The following HDLBP variants were observed in gnomAD, a reference collection of about 807,000 sequenced individuals.
The protein encoded by HDLBP is vigilin.
In HDLBP, 30 loss-of-function variants were observed where a neutral mutation model predicts 137.3. The observed-to-expected ratio is 0.22, with a 90% CI of 0.16 to 0.30. The LOEUF (loss-of-function observed/expected upper bound fraction) is 0.30, where lower values mean the gene tolerates loss of function less well. HDLBP is among the 10% of genes least tolerant of loss of function. HDLBP has a pLI of 1.00. For synonymous variants in HDLBP, 606 were observed against 596.0 expected (o/e 1.02, Z -0.24); for missense variants, 1,119 against 1,667.3 (o/e 0.67, Z 5.73).
intron 1 of HDLBP, among the ~76,000 whole-genome samples, chr2:241,292,098 T>C (rs2075029888): frequency 6.6e-6 from 1 of 152,188 alleles, no homozygotes; most frequent in Admixed American, 6.5e-5. Flanking sequence ...TAATTCAACC[T>C]ACTGACACCG....
At chr2:241,267,832 A>G in intron 2 of HDLBP, 1 of 1,444,688 alleles carries the variant, frequency 6.9e-7, no homozygotes, top group Admixed American at 2.4e-5. Context: ...GTGGGACAGA[A>G]CTCGCACAGC....
At chr2:241,245,968 T>G (rs913824117) in intron 16 of HDLBP, among the ~76,000 whole-genome samples, 3 of 152,056 alleles carry the variant, frequency 2.0e-5, no homozygotes, top group Non-Finnish European at 4.4e-5. Context: ...TCTAAAAAAC[T>G]TCATGTTAAT....
intron 1 of HDLBP, among the ~76,000 whole-genome samples, chr2:241,286,310 C>G (rs2074806969): frequency 6.6e-6 from 1 of 152,178 alleles, no homozygotes; most frequent in African/African-American, 2.4e-5. Flanking sequence ...CCCCAAATCA[C>G]TAAGTTAAAA....
chr2:241,292,564 T>G (rs1165664233), intron 1 of HDLBP, among the ~76,000 whole-genome samples: 1 of 152,196 alleles, frequency 6.6e-6, no homozygotes, highest in Non-Finnish European at 1.5e-5. Context: ...GTTGGTGGTG[T>G]TAGCTATGAT....
intron 1 of HDLBP, among the ~76,000 whole-genome samples, chr2:241,280,923 C>T (rs899348473): frequency 6.6e-6 from 1 of 152,214 alleles, no homozygotes; most frequent in African/African-American, 2.4e-5. Context: ...TAAATTAATA[C>T]ATTTAGTGGA....
intron 1 of HDLBP, chr2:241,273,610 T>C (rs2074275732): frequency 2.0e-6 from 2 of 985,226 alleles, no homozygotes; most frequent in Admixed American, 1.2e-4. Flanking sequence ...GAGCAATCTG[T>C]AGAGATGTCA....
At chr2:241,300,184 G>A (rs1038860188) in intron 1 of HDLBP, among the ~76,000 whole-genome samples, 1 of 151,988 alleles carries the variant, frequency 6.6e-6, no homozygotes, top group Non-Finnish European at 1.5e-5. Context: ...AAACAACTTC[G>A]AGGTCCACAT....
chr2:241,307,311 C>T (rs2075615049), intron 1 of HDLBP, among the ~76,000 whole-genome samples: 2 of 152,198 alleles, frequency 1.3e-5, no homozygotes, highest in Admixed American at 6.5e-5. Context: ...CTGCTCACGC[C>T]ACTTGCTGAC....
At chr2:241,244,936 A>G (rs2071544823) in intron 16 of HDLBP, among the ~76,000 whole-genome samples, 1 of 152,134 alleles carries the variant, frequency 6.6e-6, no homozygotes. Flanking sequence ...TTTCTGTGTA[A>G]GATGATGGAA....
At position 241,233,989 on chromosome 2, in the gene HDLBP, G is replaced by A; in HGVS notation, c.3145-26C>T. ...CTACAAATGAAAGGAGCAAGAATGA[G>A]GCAAAGATTGAGCTGATCCACCCTG... On this transcript the variant is annotated intron_variant, in intron 23 of 27. Coordinates refer to ENST00000310931, the MANE Select transcript of HDLBP (RefSeq NM_005336.6). This position sits in a 1 kb window ranked among gnomAD's most constrained non-coding sequence, Gnocchi z 4.3. The A allele has an allele frequency of 6.2e-7, 1 of 1,613,794 alleles. No homozygotes were observed. Among genetic ancestry groups the A allele is most frequent in the Non-Finnish European group, 8.5e-7 (1 of 1,179,718 alleles).
At position 241,238,588 on chromosome 2, in the gene HDLBP, C is replaced by A. The variant is rs538464906; in HGVS notation, c.2749+61G>T. 2 of 1,324,608 alleles carry A rather than the reference C, an allele frequency of 1.5e-6. No individual in the cohort carries two copies. The highest frequency in any genetic ancestry group is 2.0e-6 in the Non-Finnish European group (2 of 985,368). The allele number at this position is 1,324,608 out of a possible 1,614,324, so 82.1% of individuals were successfully genotyped here. ...AGCCTCACCAGTATGTGCGACAGCC[C>A]CGCCTCTCACATGGGAGGCGCCACT... On this transcript the variant is annotated intron_variant, in intron 20 of 27. Transcript: ENST00000310931. The surrounding 1 kb of genome is among the most constrained non-coding windows in gnomAD (Gnocchi z 4.9).
Position 241,233,075 on chromosome 2 carries a change from G to T in HDLBP, c.3288+745C>A, listed in dbSNP as rs752038105. 6.6e-6 allele frequency among the ~76,000 whole-genome samples: 1 copy of T among 152,046 alleles called. No homozygotes were observed. The highest frequency in any genetic ancestry group is 1.5e-5 in the Non-Finnish European group (1 of 67,990). On this transcript the variant is annotated intron_variant, in intron 24 of 27. Coordinates refer to ENST00000310931, the MANE Select transcript of HDLBP (RefSeq NM_005336.6). The surrounding 1 kb of genome is among the most constrained non-coding windows in gnomAD (Gnocchi z 4.3). ...GCGTGGAGGGGCTCTGCTGCCAGGG[G>T]GTTTGCTGTTTCTGGAAACCAGCAC...
At chr2:241,260,324 T>C (rs1012385683) in intron 5 of HDLBP, among the ~76,000 whole-genome samples, 1 of 152,072 alleles carries the variant, frequency 6.6e-6, no homozygotes, top group African/African-American at 2.4e-5. Context: ...TTGATATTAA[T>C]AGGTCATGAC....
At chr2:241,254,880 T>A (rs542843251) in intron 9 of HDLBP, among the ~76,000 whole-genome samples, 171 bp downstream of exon 9, 3 of 152,242 alleles carry the variant, frequency 2.0e-5, no homozygotes, top group Non-Finnish European at 4.4e-5. Context: ...TTTATTCTGC[T>A]GTTCTTTAAG....
At position 241,306,986 on chromosome 2, in the gene HDLBP, AAC is replaced by A. The variant is rs201409821; in HGVS notation, c.-103+8582_-103+8583del. Among the ~76,000 whole-genome samples the A allele has an allele frequency of 6.9e-4, 83 of 119,928 alleles. 2 individuals carry two copies. Among genetic ancestry groups the A allele is most frequent in the South Asian group, 9.6e-4 (3 of 3,140 alleles). 78.7% of individuals were successfully genotyped at this position (119,928 alleles called of 152,430 possible). A position where few individuals can be genotyped will look rare whatever the true frequency, so the allele number is the denominator to read the frequency against. On this transcript the variant is annotated intron_variant, in intron 1 of 27. Transcript: ENST00000310931. ...TGAACCTATTCAAAAAAAAAAAAAA[AAC>A]GAGGAAAAGCCCAAAATTGAAGTGA...
chr2:241,250,073 A>G (rs2072006661), intron 11 of HDLBP, 93 bp from the exon 12 acceptor site: 5 of 1,264,026 alleles, frequency 4.0e-6, no homozygotes, highest in Non-Finnish European at 5.4e-6. Flanking sequence ...AGCGCTAAAT[A>G]ACCTTATCTG....
intron 1 of HDLBP, among the ~76,000 whole-genome samples, chr2:241,293,448 T>C (rs777512558): frequency 1.3e-5 from 2 of 151,780 alleles, no homozygotes; most frequent in South Asian, 2.1e-4. Flanking sequence ...GAGTGAGTTA[T>C]AATCACGCTA....
intron 11 of HDLBP, chr2:241,251,105 G>A (rs1373375430): frequency 7.9e-5 from 12 of 151,950 alleles, no homozygotes; most frequent in African/African-American, 1.9e-4. Flanking sequence ...CCAGAGCAGC[G>A]GGGACCACAG....
chr2:241,256,233 T>G lies in HDLBP; in HGVS notation c.824A>C (p.Glu275Ala). Residue 275 changes from glutamate to alanine, a missense_variant, in exon 7 of 28, where the codon GAA (glutamate) becomes GCA (alanine). Glu to Ala is a moderately radical substitution (Grantham distance 107). Transcript: ENST00000310931. ...GCGAGCCACAGCCTGAGCCAACTGT[T>G]CCTTCTCTCCAGTGAAGACAATCTC... ...RTEIVFTGEKEQLAQAVARIK... is the reference protein window; with the variant it reads ...RTEIVFTGEKAQLAQAVARIK... 1 of 1,614,170 alleles carries G rather than the reference T, an allele frequency of 6.2e-7. No individual in the cohort carries two copies. Among genetic ancestry groups the G allele is most frequent in the Non-Finnish European group, 8.5e-7 (1 of 1,180,032 alleles).
Sources: allele counts gnomAD v4.1 joint callset (sites outside exome capture counted in the v4.1 genomes callset), GRCh38; gene constraint gnomAD v4.1.1; non-coding constraint Gnocchi (gnomAD v3.1); transcripts MANE v1.5; gene names NCBI Gene and HGNC (gene_info 2026-07-23, HGNC 2026-07-21).